PPM1B: variants seen among roughly 807,000 people sequenced by gnomAD.
PPM1B encodes the protein protein phosphatase 1B.
A neutral mutation model predicts 43.0 loss-of-function variants in PPM1B; 22 were observed. That is an observed-to-expected ratio of 0.51 (90% CI 0.37 to 0.73). The LOEUF (loss-of-function observed/expected upper bound fraction) is 0.73, where lower values mean the gene tolerates loss of function less well. Ranked by LOEUF, PPM1B falls within the 30% of genes least tolerant of loss-of-function variation. The probability of loss-of-function intolerance (pLI) is 0.00; values close to 1 mark genes in which losing one functional copy is unlikely to be tolerated. For missense variants in PPM1B, 632 were observed against 584.2 expected, an observed-to-expected ratio of 1.08 and a Z score of -0.84; for synonymous variants, 217 against 197.9, an observed-to-expected ratio of 1.10 and a Z score of -0.81.
chr2:44,230,251 A>AT (rs1232500242), intron 5 of PPM1B, 162 bp from the exon 6 acceptor site: 1 of 1,432,020 alleles, frequency 7.0e-7, no homozygotes, highest in Non-Finnish European at 9.2e-7. Context: ...GGAAGTTTTT[A>AT]TTAATTGATA....
intron 1 of PPM1B, among the ~76,000 whole-genome samples, chr2:44,182,217 G>A (rs1255882110): frequency 6.6e-6 from 1 of 152,068 alleles, no homozygotes; most frequent in African/African-American, 2.4e-5. Context: ...CGATACTCCA[G>A]ACATATGGGA....
downstream of PPM1B, chr2:44,234,463 G>A: frequency 1.3e-6 from 1 of 784,052 alleles, no homozygotes; most frequent in Non-Finnish European, 1.5e-6. Flanking sequence ...AGGTTGCAGT[G>A]AGCTAAGATC....
chr2:44,221,966 T>G (rs561512120), intron 5 of PPM1B, among the ~76,000 whole-genome samples: 1 of 152,262 alleles, frequency 6.6e-6, no homozygotes, highest in Non-Finnish European at 1.5e-5. Context: ...CAAACAATAT[T>G]GATATTTTCC....
At chr2:44,234,679 T>G (rs1670564247), downstream of PPM1B, 1 of 930,208 alleles carries the variant, frequency 1.1e-6, no homozygotes, top group East Asian at 1.2e-4. Context: ...AGTATTTTGG[T>G]CTGAGGACCC....
Position 44,230,710 on chromosome 2 carries a change from A to G in PPM1B, c.1432A>G (p.Lys478Glu). 6.2e-7 allele frequency: 1 copy of G among 1,604,234 alleles called. No homozygotes were observed. The highest frequency in any genetic ancestry group is 8.5e-7 in the Non-Finnish European group (1 of 1,172,936). Reference sequence around the variant, plus strand: ...TGCAGGGACAAAGATGAGTGGTGAAAAAATATGACTTTCCTTTTTGGTAAT... The same window carrying G: ...TGCAGGGACAAAGATGAGTGGTGAAGAAATATGACTTTCCTTTTTGGTAAT... Reference protein sequence around the residue: ...EDAGTKMSGEKI With the variant: ...EDAGTKMSGEEI The change falls in exon 6 of 6, where the codon AAA (lysine) becomes GAA (glutamate). Residue 478 changes from lysine (K) to glutamate (E), a missense_variant. Physicochemically the swap from Lys to Glu is moderately conservative, Grantham distance 56. This residue lies in a region of PPM1B where 392 missense variants were observed against 302.7 expected (regional missense o/e 1.29). Transcript: ENST00000282412.
intron 5 of PPM1B, among the ~76,000 whole-genome samples, chr2:44,240,359 C>G (rs1343270754): frequency 6.9e-6 from 1 of 145,912 alleles, no homozygotes; most frequent in African/African-American, 2.5e-5. Context: ...TTTAACCTAT[C>G]ACTCCCTTTC....
chr2:44,185,764 C>G (rs576407355), intron 1 of PPM1B, among the ~76,000 whole-genome samples: 30 of 152,126 alleles, frequency 2.0e-4, no homozygotes, highest in Non-Finnish European at 3.1e-4. Flanking sequence ...CATCTCCTTG[C>G]CATTGGACCT....
intron 5 of PPM1B, among the ~76,000 whole-genome samples, chr2:44,243,632 A>T (rs1362233718): frequency 6.6e-6 from 1 of 152,104 alleles, no homozygotes; most frequent in Non-Finnish European, 1.5e-5. Context: ...TTTTCTCATT[A>T]TTTGAAGTTG....
At chr2:44,202,475 T>G (rs1239134336) in intron 2 of PPM1B, among the ~76,000 whole-genome samples, 1 of 152,222 alleles carries the variant, frequency 6.6e-6, no homozygotes, top group Non-Finnish European at 1.5e-5. Context: ...CTGTATAAAA[T>G]TTAGTCCTGA....
chr2:44,229,344 C>T (rs184124230), intron 5 of PPM1B, among the ~76,000 whole-genome samples: 6 of 152,050 alleles, frequency 3.9e-5, no homozygotes, highest in Admixed American at 3.9e-4. Flanking sequence ...TTAAATTTCC[C>T]TAGTTGTCAC....
chr2:44,171,002 C>G (rs1324436855), intron 1 of PPM1B, among the ~76,000 whole-genome samples: 1 of 151,878 alleles, frequency 6.6e-6, no homozygotes, highest in Non-Finnish European at 1.5e-5. Flanking sequence ...TGTTTTTGCT[C>G]TCATGAAGTC....
intron 1 of PPM1B, among the ~76,000 whole-genome samples, chr2:44,189,261 G>C (rs956892957): frequency 1.3e-5 from 2 of 152,062 alleles, no homozygotes; most frequent in Non-Finnish European, 2.9e-5. Flanking sequence ...TAAGTTTCTT[G>C]AGAAAAGACA....
At chr2:44,232,053 A>G (rs530109761), downstream of PPM1B, among the ~76,000 whole-genome samples, 2 of 152,306 alleles carry the variant, frequency 1.3e-5, no homozygotes, top group African/African-American at 4.8e-5. Flanking sequence ...TATTTTTCCA[A>G]TGCCAGAATA....
At chr2:44,180,713 C>G (rs375185563) in intron 1 of PPM1B, among the ~76,000 whole-genome samples, 1 of 151,884 alleles carries the variant, frequency 6.6e-6, no homozygotes, top group African/African-American at 2.4e-5. Flanking sequence ...TGGGCTCAAG[C>G]TATCCTTCTG....
intron 5 of PPM1B, chr2:44,230,099 A>G: frequency 6.7e-7 from 1 of 1,503,534 alleles, no homozygotes; most frequent in Non-Finnish European, 8.8e-7. Flanking sequence ...AATATTGTTT[A>G]AGTAAGTCAG....
At chr2:44,218,176 G>C (rs1185544375) in intron 4 of PPM1B, 98 bp downstream of exon 4, 1 of 878,892 alleles carries the variant, frequency 1.1e-6, no homozygotes, top group African/African-American at 1.7e-5. Flanking sequence ...CAATTATCTA[G>C]AGGTGAAATG....
At chr2:44,231,884 G>A (rs1218564226), downstream of PPM1B, among the ~76,000 whole-genome samples, 1 of 152,136 alleles carries the variant, frequency 6.6e-6, no homozygotes, top group African/African-American at 2.4e-5. Flanking sequence ...TTATAGATTT[G>A]TCACATAGGG....
intron 1 of PPM1B, among the ~76,000 whole-genome samples, chr2:44,178,112 G>A (rs1046219417): frequency 1.3e-5 from 2 of 151,298 alleles, no homozygotes; most frequent in African/African-American, 4.9e-5. Context: ...TAGAGATGAG[G>A]TTTCACCATG....
At chr2:44,186,179 C>T (rs1358168569) in intron 1 of PPM1B, among the ~76,000 whole-genome samples, 1 of 152,156 alleles carries the variant, frequency 6.6e-6, no homozygotes, top group Admixed American at 6.5e-5. Context: ...GATTTTATTA[C>T]TACTATCATT....
Sources: allele counts gnomAD v4.1 joint callset (sites outside exome capture counted in the v4.1 genomes callset), GRCh38; gene constraint gnomAD v4.1.1; regional missense constraint gnomAD v4.1.1; transcripts MANE v1.5; gene names NCBI Gene and HGNC (gene_info 2026-07-23, HGNC 2026-07-21).